The following NF1 variants were observed in gnomAD, a reference collection of about 807,000 sequenced individuals.
The protein encoded by NF1 is neurofibromin 1.
A neutral mutation model predicts 325.7 loss-of-function variants in NF1; 122 were observed. The ratio of observed to expected loss-of-function variants is 0.37; its 90% confidence interval spans 0.32 to 0.44. The LOEUF is 0.44. Among genes scored for constraint, NF1 ranks in the 20% least tolerant of loss-of-function variants. The probability of loss-of-function intolerance (pLI) is 1.00; values close to 1 mark genes in which losing one functional copy is unlikely to be tolerated. For synonymous variants in NF1, 1,091 were observed against 1,186.0 expected (o/e 0.92, Z 1.65); for missense variants, 2,140 against 3,415.4 (o/e 0.63, Z 9.31).
intron 51 of NF1, among the ~76,000 whole-genome samples, chr17:31,354,452 A>T (rs1233662748): frequency 6.6e-6 from 1 of 152,184 alleles, no homozygotes; most frequent in Non-Finnish European, 1.5e-5. Context: ...GAGAAGAAGG[A>T]CTAGAACTCG....
At chr17:31,273,323 C>T (rs2067939119) in intron 36 of NF1, among the ~76,000 whole-genome samples, 1 of 152,120 alleles carries the variant, frequency 6.6e-6, no homozygotes, top group South Asian at 2.1e-4. Context: ...TTAACAACAA[C>T]AACAACAACA....
At chr17:31,182,440 A>G (rs1056392940) in intron 7 of NF1, 68 bp from the exon 8 acceptor site, 13 of 1,517,606 alleles carry the variant, frequency 8.6e-6, no homozygotes, top group Non-Finnish European at 1.2e-5. Flanking sequence ...ACATAGTGTC[A>G]GCTTTTACTT....
chr17:31,251,059 T>A, intron 30 of NF1: 1 of 195,568 alleles, frequency 5.1e-6, no homozygotes, highest in Non-Finnish European at 1.1e-5. Flanking sequence ...AATGTTACAT[T>A]TACTGATTAG....
intron 1 of NF1, among the ~76,000 whole-genome samples, chr17:31,142,835 C>T (rs1916327908): frequency 6.6e-6 from 1 of 151,470 alleles, no homozygotes; most frequent in African/African-American, 2.4e-5. Context: ...CCACTGTACT[C>T]CAGCCTGGGC....
intron 1 of NF1, among the ~76,000 whole-genome samples, chr17:31,103,225 C>G (rs142903881): frequency 3.4e-4 from 52 of 152,152 alleles, no homozygotes; most frequent in African/African-American, 1.3e-3. Context: ...AAATTAGATT[C>G]TTTTCTCAAA....
In NF1 at chr17:31,295,702, A is replaced by G. The variant is rs1257560323; in HGVS notation, c.4836-30118A>G. On this transcript the variant is annotated intron_variant, in intron 36 of 57. Coordinates refer to ENST00000358273, the MANE Select transcript of NF1 (RefSeq NM_001042492.3). ...CTTGCAACTGAAAGAGTTGGTCAAAAGATTGGTCTGGAATGAATGTGAACT... is the reference window on the plus strand; with the variant it reads ...CTTGCAACTGAAAGAGTTGGTCAAAGGATTGGTCTGGAATGAATGTGAACT... 2.5e-6 allele frequency: 4 copies of G among 1,614,176 alleles called. No individual in the cohort carries two copies. In the East Asian group the frequency reaches 8.9e-5, roughly 36 times the overall value.
chr17:31,263,786 G>T (rs765103481), intron 35 of NF1, among the ~76,000 whole-genome samples: 1 of 151,356 alleles, frequency 6.6e-6, no homozygotes, highest in African/African-American at 2.4e-5. Flanking sequence ...AAAAAATGAA[G>T]GTAGCTTTAT....
At chr17:31,101,678 A>G (rs759586067) in intron 1 of NF1, among the ~76,000 whole-genome samples, 1 of 149,952 alleles carries the variant, frequency 6.7e-6, no homozygotes, top group African/African-American at 2.5e-5. Flanking sequence ...TGCTTTTCTA[A>G]TTCCTGTCCA....
chr17:31,333,213 A>G (rs996057766), intron 39 of NF1, among the ~76,000 whole-genome samples: 30 of 152,210 alleles, frequency 2.0e-4, no homozygotes, highest in Non-Finnish European at 2.1e-4. Context: ...TTTTCTAGAA[A>G]GGCATTTGGA....
At chr17:31,173,476 A>G (rs1162360145) in intron 5 of NF1, among the ~76,000 whole-genome samples, 2 of 152,030 alleles carry the variant, frequency 1.3e-5, no homozygotes, top group Non-Finnish European at 2.9e-5. Flanking sequence ...CGTGCCCATA[A>G]TCCCAGCTAC....
In NF1 at chr17:31,232,160, G is replaced by A. The variant is rs774759676; in HGVS notation, c.3285G>A (p.Leu1095=). The change falls in exon 25 of 58, where the codon TTG becomes TTA. Residue 1095 remains leucine, a synonymous_variant. Coordinates refer to ENST00000358273, the MANE Select transcript of NF1 (RefSeq NM_001042492.3). ...LQPEEGDGVE[L]MEAKSQLFLK... is the part of the protein sequence containing the mutation. ...CTGAAGAAGGAGATGGTGTGGAATT[G>A]ATGGAAGCCAAATCACAGTTATTTC... 14 of 1,593,768 alleles carry A rather than the reference G, an allele frequency of 8.8e-6. No homozygotes were observed. The East Asian group carries it at 2.8e-4, about 31-fold the overall frequency.
At chr17:31,181,359 CT>C (rs2066129260) in intron 5 of NF1, 62 bp from the exon 6 acceptor site, 2 of 1,429,100 alleles carry the variant, frequency 1.4e-6, no homozygotes, top group African/African-American at 2.8e-5. Flanking sequence ...AGTTATTTTG[CT>C]CTGAGTTGTA....
intron 31 of NF1, among the ~76,000 whole-genome samples, chr17:31,257,398 A>G (rs1206450382): frequency 6.6e-6 from 1 of 152,228 alleles, no homozygotes; most frequent in African/African-American, 2.4e-5. Flanking sequence ...ATAAAAATGT[A>G]AACTGCAAAA....
At position 31,376,422 on chromosome 17, in the gene NF1, G is replaced by GC. The variant is rs2070732802; in HGVS notation, c.*2269dup. 1.7e-5 allele frequency: 4 copies of GC among 232,556 alleles called. No homozygotes were observed. The East Asian group carries it at 2.4e-4, about 14-fold the overall frequency. 14.4% of individuals were successfully genotyped at this position (232,556 alleles called of 1,614,324 possible). On this transcript the variant is annotated 3_prime_UTR_variant, in exon 58 of 58. Coordinates refer to ENST00000358273, the MANE Select transcript of NF1 (RefSeq NM_001042492.3). ...CAGCATTGGCACAAATCAAAATTCA[G>GC]CCGCCTTTGAAATGCAAAAATACCT...
At chr17:31,113,220 T>C (rs1201307515) in intron 1 of NF1, among the ~76,000 whole-genome samples, 2 of 152,220 alleles carry the variant, frequency 1.3e-5, no homozygotes, top group Non-Finnish European at 2.9e-5. Flanking sequence ...GTTGCTAATA[T>C]ATAGAAATAC....
chr17:31,201,244 A>G, intron 10 of NF1, 85 bp downstream of exon 10: 8 of 1,558,640 alleles, frequency 5.1e-6, no homozygotes, highest in Non-Finnish European at 7.1e-6. Context: ...TAATAGGTTC[A>G]CTTTTATCGG....
intron 36 of NF1, chr17:31,304,667 C>T (rs2068659897): frequency 1.9e-6 from 3 of 1,614,096 alleles, no homozygotes; most frequent in Non-Finnish European, 2.5e-6. Flanking sequence ...TCTGATGTAC[C>T]ATTTACTTGA....
chr17:31,319,809 A>T (rs772570418), intron 36 of NF1, among the ~76,000 whole-genome samples: 17 of 152,016 alleles, frequency 1.1e-4, no homozygotes, highest in Non-Finnish European at 1.8e-4. Context: ...AGTTCAACAA[A>T]AGTTGCTGGG....
At chr17:31,167,449 A>C (rs969131427) in intron 4 of NF1, among the ~76,000 whole-genome samples, 3 of 152,242 alleles carry the variant, frequency 2.0e-5, no homozygotes, top group African/African-American at 7.2e-5. Flanking sequence ...CTGAAGGTTT[A>C]GTGTGATGAT....
Sources: gnomAD v4.1 joint callset for allele counts (sites outside exome capture counted in the v4.1 genomes callset) on GRCh38, gnomAD v4.1.1 for gene constraint, MANE v1.5 for transcripts, NCBI Gene and HGNC (gene_info 2026-07-23, HGNC 2026-07-21) for gene names.